Variants in SESN2 observed in about 807,000 individuals in gnomAD.
SESN2 encodes sestrin 2, also known as sestrin-2.
In SESN2, 42 loss-of-function variants were observed where a neutral mutation model predicts 56.0. That is an observed-to-expected ratio of 0.75 (90% CI 0.59 to 0.97). The LOEUF is 0.97. Ranked by LOEUF, SESN2 falls within the 50% of genes least tolerant of loss-of-function variation. The pLI, the probability that SESN2 is intolerant of heterozygous loss-of-function variation, is 0.00. For synonymous variants in SESN2, 264 were observed against 267.1 expected (o/e 0.99, Z 0.11); for missense variants, 507 against 649.4 (o/e 0.78, Z 2.38).
At position 28,281,458 on chromosome 1, in the gene SESN2, A is replaced by G. The variant is rs897400989; in HGVS notation, c.*656A>G. 2.6e-5 allele frequency: 4 copies of G among 152,158 alleles called. No individual in the cohort carries two copies. Among genetic ancestry groups the G allele is most frequent in the African/African-American group, 9.7e-5 (4 of 41,432 alleles). 9.4% of individuals were successfully genotyped at this position (152,158 alleles called of 1,614,324 possible). On this transcript the variant is annotated 3_prime_UTR_variant, in exon 10 of 10. Transcript: ENST00000253063. Reference sequence around the variant, plus strand: ...GAGAGAGGCCAAGTACATAAAAAAAAAAAAAGCAGATTATCTCTAGAGAGT... The same window carrying G: ...GAGAGAGGCCAAGTACATAAAAAAAGAAAAAGCAGATTATCTCTAGAGAGT...
At chr1:28,266,854 C>G (rs1295533017) in intron 1 of SESN2, among the ~76,000 whole-genome samples, 8 of 152,014 alleles carry the variant, frequency 5.3e-5, no homozygotes, top group African/African-American at 1.9e-4. Flanking sequence ...AGCCAAGGGC[C>G]CCTATCTTTT....
In SESN2 at chr1:28,273,342, G is replaced by A. The variant is rs775412186; in HGVS notation, c.751-16G>A. On this transcript the variant is annotated splice_polypyrimidine_tract_variant and intron_variant, in intron 5 of 9. Transcript: ENST00000253063. ...AGGAGGAGGAGTAGCTGGTCACCAC[G>A]GGGCCTCTCCTGCAGGGCTTTGAGT... 9 of 1,561,856 alleles carry A rather than the reference G, an allele frequency of 5.8e-6. No individual in the cohort carries two copies. Among genetic ancestry groups the A allele is most frequent in the South Asian group, 3.5e-5 (3 of 84,910 alleles).
intron 1 of SESN2, among the ~76,000 whole-genome samples, chr1:28,266,436 A>G (rs769854907): frequency 2.0e-5 from 3 of 152,114 alleles, no homozygotes. Flanking sequence ...ATCACTGGCC[A>G]GTGGAAGTAG....
intron 1 of SESN2, among the ~76,000 whole-genome samples, chr1:28,264,639 C>T (rs962054110): frequency 1.3e-5 from 2 of 152,162 alleles, no homozygotes; most frequent in Non-Finnish European, 2.9e-5. Flanking sequence ...AATATGGTAA[C>T]CCCTCACTAC....
chr1:28,260,062 G>A (rs966133881), intron 1 of SESN2, 125 bp downstream of exon 1: 11 of 667,028 alleles, frequency 1.6e-5, no homozygotes, highest in Non-Finnish European at 2.5e-5. Flanking sequence ...CGTAACCCGG[G>A]ACCCGGGTTG....
intron 1 of SESN2, among the ~76,000 whole-genome samples, chr1:28,263,178 AT>A (rs1647440289): frequency 6.6e-6 from 1 of 152,124 alleles, no homozygotes; most frequent in African/African-American, 2.4e-5. Context: ...CTTGTGAACT[AT>A]TCCAGCCGTG....
At chr1:28,280,675 G>C (rs749190927) in intron 9 of SESN2, 41 bp from the exon 10 acceptor site, 1 of 1,494,256 alleles carries the variant, frequency 6.7e-7, no homozygotes, top group East Asian at 2.3e-5. Context: ...TGGGGGTGAG[G>C]AGTGACATCA....
At position 28,274,823 on chromosome 1, in the gene SESN2, AGGATTATACCTGG is replaced by A. The variant is rs1274298496; in HGVS notation, c.1021_1033del (p.Asp341LysfsTer7). The A allele has an allele frequency of 1.9e-6, 3 of 1,608,682 alleles. No individual in the cohort carries two copies. Among genetic ancestry groups the A allele is most frequent in the Non-Finnish European group, 2.6e-6 (3 of 1,176,142 alleles). ...TCACCAATCCCTTCCCACCTACCTA[AGGATTATACCTGG>A]GAAGACCATGGCTACTCGCTGATCC... On this transcript the variant is annotated splice_acceptor_variant and coding_sequence_variant, in exon 8 of 10. Transcript: ENST00000253063. LOFTEE classifies it high-confidence loss of function.
At chr1:28,278,554 G>A (rs138029537) in intron 8 of SESN2, among the ~76,000 whole-genome samples, 2,081 of 152,330 alleles carry the variant, frequency 0.014, 30 homozygotes, top group Non-Finnish European at 0.022. Flanking sequence ...GCAACAGAGC[G>A]AGACTCCGTC....
intron 8 of SESN2, among the ~76,000 whole-genome samples, chr1:28,278,825 G>C (rs1044164219): frequency 6.6e-6 from 1 of 150,806 alleles, no homozygotes; most frequent in African/African-American, 2.5e-5. Context: ...ACACAGTAGT[G>C]TAGAGTAGTT....
In SESN2 at chr1:28,274,876, G is replaced by C. The variant is rs1216732657; in HGVS notation, c.1072G>C (p.Glu358Gln). 5 of 1,614,050 alleles carry C rather than the reference G, an allele frequency of 3.1e-6. No homozygotes were observed. Among genetic ancestry groups the C allele is most frequent in the Admixed American group, 1.7e-5 (1 of 60,006 alleles). Reference sequence around the variant, plus strand: ...CTCGCTGATCCAGCGGCTTTACCCTGAGGGTGGGCAGCTGCTGGATGAGAA... The same window carrying C: ...CTCGCTGATCCAGCGGCTTTACCCTCAGGGTGGGCAGCTGCTGGATGAGAA... The part of the protein sequence containing the change: ...GYSLIQRLYP[E>Q]GGQLLDEKFQ... Residue 358 changes from glutamate (E) to glutamine (Q), a missense_variant, in exon 8 of 10, where the codon GAG (glutamate) becomes CAG (glutamine). Physicochemically the swap from Glu to Gln is conservative, Grantham distance 29 (BLOSUM62 2). Transcript: ENST00000253063.
At chr1:28,268,473 C>T (rs2149037437) in intron 1 of SESN2, among the ~76,000 whole-genome samples, 2 of 152,118 alleles carry the variant, frequency 1.3e-5, no homozygotes, top group East Asian at 3.9e-4. Context: ...CGAGACCAGC[C>T]TGGCCAACAT....
At chr1:28,266,012 C>G (rs1198808079) in intron 1 of SESN2, among the ~76,000 whole-genome samples, 1 of 152,192 alleles carries the variant, frequency 6.6e-6, no homozygotes, top group Non-Finnish European at 1.5e-5. Context: ...TTATCAGATT[C>G]TGAATTATAT....
intron 1 of SESN2, among the ~76,000 whole-genome samples, chr1:28,266,558 T>C (rs1276820861): frequency 7.4e-6 from 1 of 135,032 alleles, no homozygotes; most frequent in African/African-American, 2.7e-5. Flanking sequence ...AGCCCCATCT[T>C]TTTTTTTTTT....
At chr1:28,262,783 C>T (rs931227658) in intron 1 of SESN2, among the ~76,000 whole-genome samples, 1 of 151,888 alleles carries the variant, frequency 6.6e-6, no homozygotes, top group Non-Finnish European at 1.5e-5. Context: ...AAAAAATTAA[C>T]CCTGCGTGGT....
In SESN2 at chr1:28,273,045, A is replaced by T. The variant is rs554506414; in HGVS notation, c.750+252A>T. Among the ~76,000 whole-genome samples the T allele has an allele frequency of 2.0e-5, 3 of 152,350 alleles. No individual in the cohort carries two copies. In the East Asian group the frequency reaches 5.8e-4, roughly 29 times the overall value. On this transcript the variant is annotated intron_variant, in intron 5 of 9. Coordinates refer to ENST00000253063, the MANE Select transcript of SESN2 (RefSeq NM_031459.5). The stretch of plus-strand genomic sequence containing the variant: ...ACACTGTGTATATGCCATAGGCTCA[A>T]AGCCTGTTGGTTTTAGCACTTTAAA...
chr1:28,262,547 G>A (rs1647410837), intron 1 of SESN2, among the ~76,000 whole-genome samples: 1 of 151,260 alleles, frequency 6.6e-6, no homozygotes, highest in Non-Finnish European at 1.5e-5. Flanking sequence ...GCTTGAGCCT[G>A]GGAGGCGGAG....
Position 28,274,139 on chromosome 1 carries a change from C to T in SESN2, c.1001C>T (p.Pro334Leu), listed in dbSNP as rs1338186992. 1.2e-6 allele frequency: 2 copies of T among 1,612,402 alleles called. No homozygotes were observed. The highest frequency in any genetic ancestry group is 1.7e-6 in the Non-Finnish European group (2 of 1,178,578). Reference protein sequence around the residue: ...EDFTRRGAQAPPTFRAQDYTW... With the variant: ...EDFTRRGAQALPTFRAQDYTW... The stretch of plus-strand genomic sequence containing the variant: ...TTCACTCGGAGAGGGGCTCAGGCAC[C>T]CCCTACCTTCCGGGCCCAGGTAGGG... Residue 334 changes from proline (P) to leucine (L), a missense_variant, in exon 7 of 10, where the codon CCC (proline) becomes CTC (leucine). Pro to Leu is a moderately conservative substitution (Grantham distance 98, BLOSUM62 -3). Transcript: ENST00000253063.
intron 5 of SESN2, 94 bp from the exon 6 acceptor site, chr1:28,273,264 C>A: frequency 8.0e-7 from 1 of 1,257,004 alleles, no homozygotes; most frequent in Non-Finnish European, 1.1e-6. Context: ...CCTTTGTGAG[C>A]ATTAGGAAGG....
Sources: gnomAD v4.1 joint callset for allele counts (sites outside exome capture counted in the v4.1 genomes callset) on GRCh38, gnomAD v4.1.1 for gene constraint, MANE v1.5 for transcripts, NCBI Gene and HGNC (gene_info 2026-07-23, HGNC 2026-07-21) for gene names.